TAB2: variants seen among roughly 807,000 people sequenced by gnomAD.
The protein encoded by TAB2 is TGF-beta activated kinase 1 (MAP3K7) binding protein 2.
A neutral mutation model predicts 65.0 loss-of-function variants in TAB2; 3 were observed. That is an observed-to-expected ratio of 0.05 (90% CI 0.02 to 0.12). The LOEUF (loss-of-function observed/expected upper bound fraction) is 0.12, where lower values mean the gene tolerates loss of function less well. Among genes scored for constraint, TAB2 ranks in the 10% least tolerant of loss-of-function variants. The pLI is 1.00. For missense variants in TAB2, 623 were observed against 840.3 expected, an observed-to-expected ratio of 0.74 and a Z score of 3.20; for synonymous variants, 298 against 285.1, an observed-to-expected ratio of 1.05 and a Z score of -0.46.
chr6:149,404,739 C>T (rs1312829606), intron 6 of TAB2, among the ~76,000 whole-genome samples: 2 of 152,150 alleles, frequency 1.3e-5, no homozygotes, highest in Non-Finnish European at 2.9e-5. Flanking sequence ...TGAACCATTA[C>T]TTCACACTGT....
rs376797713 is a variant in TAB2, at chr6:149,378,060, G to A, written c.145G>A (p.Glu49Lys). Residue 49 changes from glutamate (E) to lysine (K), a missense_variant, in exon 3 of 7, where the codon GAG becomes AAG. This residue lies in a region of TAB2 where 550 missense variants were observed against 665.7 expected (regional missense o/e 0.83). Coordinates refer to ENST00000637181, the MANE Select transcript of TAB2 (RefSeq NM_001292034.3). ...TGCCTGCTGTGCTGTTCTCTCTCAG[G>A]AGAGTACAAGATATCTTTATGGTGA... ...LDACCAVLSQ[E>K]STRYLYGEGD... is the part of the protein sequence containing the mutation. 2.5e-6 allele frequency: 4 copies of A among 1,613,990 alleles called. No individual in the cohort carries two copies. Among genetic ancestry groups the A allele is most frequent in the Non-Finnish European group, 3.4e-6 (4 of 1,180,012 alleles).
intron 1 of TAB2, among the ~76,000 whole-genome samples, chr6:149,357,421 G>GA (rs1244546884): frequency 5.3e-4 from 58 of 108,432 alleles, no homozygotes; most frequent in African/African-American, 1.9e-3. Context: ...GTCTCAAGGA[G>GA]AAAAAAAAAA....
chr6:149,250,965 G>T (rs1186794707), intron 1 of TAB2, among the ~76,000 whole-genome samples: 1 of 152,092 alleles, frequency 6.6e-6, no homozygotes, highest in Non-Finnish European at 1.5e-5. Flanking sequence ...GCTCACTCAC[G>T]CTTATTTCCA....
At chr6:149,409,496 A>G (rs1782772707) in intron 6 of TAB2, 81 bp from the exon 7 acceptor site, 7 of 1,321,382 alleles carry the variant, frequency 5.3e-6, no homozygotes, top group Non-Finnish European at 7.5e-6. Context: ...GCTGTGCACT[A>G]CAAATGGTGT....
chr6:149,283,978 A>G (rs1430822148), intron 1 of TAB2, among the ~76,000 whole-genome samples: 1 of 152,324 alleles, frequency 6.6e-6, no homozygotes, highest in Middle Eastern at 3.4e-3. Flanking sequence ...ACCACCAATG[A>G]TTAACTGCAA....
At chr6:149,392,806 G>A (rs943514606) in intron 3 of TAB2, among the ~76,000 whole-genome samples, 2 of 152,050 alleles carry the variant, frequency 1.3e-5, no homozygotes, top group Non-Finnish European at 2.9e-5. Context: ...ATTTAGTGGA[G>A]GCTAATTAGA....
chr6:149,368,906 TA>T (rs1415536522), intron 1 of TAB2, among the ~76,000 whole-genome samples: 12 of 152,262 alleles, frequency 7.9e-5, no homozygotes, highest in African/African-American at 2.9e-4. Context: ...TTTAAATATC[TA>T]CTCTTATGCT....
At chr6:149,338,498 A>G (rs1376814109) in intron 1 of TAB2, among the ~76,000 whole-genome samples, 1 of 152,220 alleles carries the variant, frequency 6.6e-6, no homozygotes, top group Non-Finnish European at 1.5e-5. Flanking sequence ...GCAGGCTGAA[A>G]AGAAATTGCT....
chr6:149,393,602 T>G (rs1782068593), intron 3 of TAB2, among the ~76,000 whole-genome samples: 1 of 152,308 alleles, frequency 6.6e-6, no homozygotes, highest in East Asian at 1.9e-4. Flanking sequence ...TCTCTCAAAC[T>G]CTATGATTTA....
chr6:149,357,561 T>C (rs982100455), intron 1 of TAB2, among the ~76,000 whole-genome samples: 12 of 152,236 alleles, frequency 7.9e-5, no homozygotes, highest in African/African-American at 2.9e-4. Context: ...TCTATGCTTC[T>C]GCCCCCTTGA....
upstream of TAB2, among the ~76,000 whole-genome samples, chr6:149,314,122 T>G (rs1430737462): frequency 6.6e-6 from 1 of 152,226 alleles, no homozygotes; most frequent in Non-Finnish European, 1.5e-5. Context: ...TCTTCATTAC[T>G]TAAGCCATTA....
intron 1 of TAB2, chr6:149,246,931 G>A (rs545027271): frequency 1.6e-4 from 25 of 152,572 alleles, no homozygotes; most frequent in African/African-American, 5.8e-4. Context: ...AAGTGCCTGA[G>A]TTCTGCTTCC....
At chr6:149,224,034 A>G (rs1777215082) in intron 1 of TAB2, among the ~76,000 whole-genome samples, 1 of 152,206 alleles carries the variant, frequency 6.6e-6, no homozygotes, top group Admixed American at 6.5e-5. Flanking sequence ...CCAAAACTTC[A>G]TCTTTTCAGA....
At chr6:149,396,471 T>TTTTCATTTCAGTGACTTTTA (rs1243997852) in intron 3 of TAB2, among the ~76,000 whole-genome samples, 1 of 152,274 alleles carries the variant, frequency 6.6e-6, no homozygotes, top group African/African-American at 2.4e-5. Context: ...CTGTTTGGCT[T>TTTTCATTTCAGTGACTTTTA]TTTCATTTCA....
intron 1 of TAB2, among the ~76,000 whole-genome samples, chr6:149,328,158 A>G (rs1443460105): frequency 6.6e-6 from 1 of 152,252 alleles, no homozygotes; most frequent in East Asian, 1.9e-4. Flanking sequence ...CAACTTTTAT[A>G]GAATATCACA....
intron 1 of TAB2, among the ~76,000 whole-genome samples, chr6:149,350,954 T>A (rs535473222): frequency 1.8e-4 from 28 of 152,334 alleles, no homozygotes; most frequent in Non-Finnish European, 3.7e-4. Flanking sequence ...TTCATTCATC[T>A]TCTCAGCTTC....
chr6:149,361,344 A>G (rs1050291635), intron 1 of TAB2, among the ~76,000 whole-genome samples: 1 of 152,148 alleles, frequency 6.6e-6, no homozygotes, highest in Admixed American at 6.5e-5. Context: ...TAGGCTTAAC[A>G]CCATAGACAC....
intron 1 of TAB2, among the ~76,000 whole-genome samples, chr6:149,335,186 G>C (rs1431267927): frequency 6.6e-6 from 1 of 151,528 alleles, no homozygotes; most frequent in Non-Finnish European, 1.5e-5. Context: ...TCCTCTTTTG[G>C]TCCGTTTCCC....
chr6:149,361,113 G>A (rs541668568), intron 1 of TAB2, among the ~76,000 whole-genome samples: 213 of 152,284 alleles, frequency 1.4e-3, no homozygotes, highest in Admixed American at 4.7e-3. Flanking sequence ...TCTGGAGGAC[G>A]GGGGTCCCTT....
Sources: allele counts gnomAD v4.1 joint callset (sites outside exome capture counted in the v4.1 genomes callset), GRCh38; gene constraint gnomAD v4.1.1; regional missense constraint gnomAD v4.1.1; transcripts MANE v1.5; gene names NCBI Gene and HGNC (gene_info 2026-07-23, HGNC 2026-07-21).